The following SGCD variants were observed in gnomAD, a reference collection of about 807,000 sequenced individuals.
SGCD encodes sarcoglycan delta.
A neutral mutation model predicts 36.6 loss-of-function variants in SGCD; 18 were observed. The ratio of observed to expected loss-of-function variants is 0.49; its 90% CI spans 0.34 to 0.73. The LOEUF is 0.73. Ranked by LOEUF, SGCD falls within the 30% of genes least tolerant of loss-of-function variation. The pLI, the probability that SGCD is intolerant of heterozygous loss-of-function variation, is 0.01. For missense variants in SGCD, 387 were observed against 346.7 expected (o/e 1.12, Z -0.92); for synonymous variants, 133 against 130.6 (o/e 1.02, Z -0.12).
At chr5:155,998,038 C>T (rs1758589412) in intron 1 of SGCD, among the ~76,000 whole-genome samples, 2 of 152,186 alleles carry the variant, frequency 1.3e-5, no homozygotes, top group Non-Finnish European at 2.9e-5. Context: ...TGTGTGTGCA[C>T]GTGTCAGGGA....
At chr5:155,871,618 T>C (rs566345490) in intron 1 of SGCD, among the ~76,000 whole-genome samples, 2 of 152,160 alleles carry the variant, frequency 1.3e-5, no homozygotes, top group East Asian at 1.9e-4. Flanking sequence ...AGAGGAGGAA[T>C]TGCTACTTTT....
intron 1 of SGCD, among the ~76,000 whole-genome samples, chr5:155,891,189 T>C (rs928338697): frequency 6.6e-6 from 1 of 152,226 alleles, no homozygotes. Flanking sequence ...AGATCCACTT[T>C]CTGGGCCCTA....
chr5:156,149,008 C>A (rs1581130594), intron 3 of SGCD, among the ~76,000 whole-genome samples: 1 of 152,262 alleles, frequency 6.6e-6, no homozygotes, highest in East Asian at 1.9e-4. Flanking sequence ...TTTTCATATT[C>A]CAGCCCTTGT....
intron 1 of SGCD, among the ~76,000 whole-genome samples, chr5:155,983,926 A>G (rs1182880385): frequency 6.6e-6 from 1 of 152,104 alleles, no homozygotes; most frequent in African/African-American, 2.4e-5. Context: ...TGTCCATGGC[A>G]GTGGCTGCAA....
chr5:156,140,609 T>C (rs1762557278), intron 3 of SGCD, among the ~76,000 whole-genome samples: 1 of 152,100 alleles, frequency 6.6e-6, no homozygotes, highest in Non-Finnish European at 1.5e-5. Context: ...GGCGGAGTGT[T>C]TAGGGTGCTG....
chr5:156,536,649 T>A (rs1407554048), intron 4 of SGCD, among the ~76,000 whole-genome samples: 1 of 152,120 alleles, frequency 6.6e-6, no homozygotes, highest in Non-Finnish European at 1.5e-5. Flanking sequence ...GGAGGGAATC[T>A]TTTCTTCTTC....
chr5:156,671,910 G>A (rs934557549), intron 7 of SGCD, among the ~76,000 whole-genome samples: 1 of 152,022 alleles, frequency 6.6e-6, no homozygotes, highest in Non-Finnish European at 1.5e-5. Flanking sequence ...GAATAAGAAA[G>A]AGACACCGGG....
At chr5:156,351,655 G>T (rs948498382) in intron 3 of SGCD, among the ~76,000 whole-genome samples, 1 of 151,406 alleles carries the variant, frequency 6.6e-6, no homozygotes, top group Non-Finnish European at 1.5e-5. Context: ...ATTTACTGCA[G>T]GCTTATTCTC....
chr5:156,101,645 CTTAAA>C (rs542454419), intron 1 of SGCD, among the ~76,000 whole-genome samples: 1 of 152,082 alleles, frequency 6.6e-6, no homozygotes, highest in Non-Finnish European at 1.5e-5. Context: ...ACTTTTATTG[CTTAAA>C]TTACACAGCA....
chr5:156,280,246 C>T (rs1766418300), intron 3 of SGCD, among the ~76,000 whole-genome samples: 1 of 152,180 alleles, frequency 6.6e-6, no homozygotes, highest in Non-Finnish European at 1.5e-5. Flanking sequence ...CTGAGAATTG[C>T]TCATCCAACA....
At chr5:156,429,975 G>C (rs910173963) in intron 3 of SGCD, among the ~76,000 whole-genome samples, 1 of 151,990 alleles carries the variant, frequency 6.6e-6, no homozygotes, top group Non-Finnish European at 1.5e-5. Flanking sequence ...ACTTTTTCTT[G>C]ACTTTAGATA....
rs571150508 is a variant in SGCD, at chr5:156,392,939, G to A, written c.192+48262G>A. 2.9e-3 allele frequency among the ~76,000 whole-genome samples: 441 copies of A among 152,190 alleles called. 2 individuals are homozygous for A. The highest frequency in any genetic ancestry group is 9.2e-3 in the African/African-American group (384 of 41,534). On this transcript the variant is annotated intron_variant, in intron 3 of 8. Transcript: ENST00000337851. ...GTGTCTGCCTGCTTGCTTGGGTCTC[G>A]GGTTTTTATAGGCACAGGATGGGGG...
chr5:155,797,277 G>A, the SGCD span, among the ~76,000 whole-genome samples: 1 of 152,268 alleles, frequency 6.6e-6, no homozygotes, highest in Admixed American at 6.5e-5. Flanking sequence ...TAGAAATAAT[G>A]AATCTTCACA....
At chr5:155,960,527 A>G (rs1183293658) in intron 1 of SGCD, among the ~76,000 whole-genome samples, 1 of 152,026 alleles carries the variant, frequency 6.6e-6, no homozygotes, top group Non-Finnish European at 1.5e-5. Context: ...GCCTAAACAC[A>G]TACCCCTACC....
At chr5:155,808,944 T>A in the SGCD span, among the ~76,000 whole-genome samples, 1 of 152,250 alleles carries the variant, frequency 6.6e-6, no homozygotes, top group Non-Finnish European at 1.5e-5. Context: ...ACTTCTAGGC[T>A]TCTTTATATA....
intron 3 of SGCD, among the ~76,000 whole-genome samples, chr5:156,476,386 AT>A (rs1357819992): frequency 1.3e-5 from 2 of 152,326 alleles, no homozygotes; most frequent in African/African-American, 4.8e-5. Flanking sequence ...AGCAGAATTA[AT>A]TTGACAGAGG....
chr5:156,561,571 C>T (rs1759268793), intron 4 of SGCD, among the ~76,000 whole-genome samples: 1 of 152,104 alleles, frequency 6.6e-6, no homozygotes, highest in South Asian at 2.1e-4. Flanking sequence ...CAGAACTGTT[C>T]CTGTTAGGGT....
At chr5:155,828,103 G>C in the SGCD span, among the ~76,000 whole-genome samples, 1 of 152,004 alleles carries the variant, frequency 6.6e-6, no homozygotes, top group African/African-American at 2.4e-5. Flanking sequence ...TATTGACTTA[G>C]TGACCTTACA....
chr5:156,406,974 G>A (rs188414610), intron 3 of SGCD, among the ~76,000 whole-genome samples: 14 of 151,782 alleles, frequency 9.2e-5, no homozygotes, highest in Non-Finnish European at 1.0e-4. Context: ...CTTAGAGTCC[G>A]ATGTTCAAAG....
Sources: allele counts gnomAD v4.1 joint callset (sites outside exome capture counted in the v4.1 genomes callset), GRCh38; gene constraint gnomAD v4.1.1; transcripts MANE v1.5; gene names NCBI Gene and HGNC (gene_info 2026-07-23, HGNC 2026-07-21).